The following LTBP2 variants were observed in gnomAD, a reference collection of about 807,000 sequenced individuals.
LTBP2 encodes the protein latent-transforming growth factor beta-binding protein 2.
Under a neutral mutation model 210.6 loss-of-function variants are expected in LTBP2, and 103 were observed. The observed-to-expected ratio is 0.49, with a 90% CI of 0.42 to 0.58. The LOEUF is 0.58. Ranked by LOEUF, LTBP2 falls within the 20% of genes least tolerant of loss-of-function variation. LTBP2 has a pLI of 0.00. For missense variants in LTBP2, 2,313 were observed against 2,494.5 expected (o/e 0.93, Z 1.55); for synonymous variants, 1,007 against 1,015.0 (o/e 0.99, Z 0.15).
At chr14:74,558,576 T>C (rs1268245614) in intron 3 of LTBP2, among the ~76,000 whole-genome samples, 1 of 152,068 alleles carries the variant, frequency 6.6e-6, no homozygotes, top group Non-Finnish European at 1.5e-5. Flanking sequence ...GAGTAGCTCA[T>C]GTTCTGCCCA....
chr14:74,564,285 TTATA>T (rs1392795273), intron 3 of LTBP2, among the ~76,000 whole-genome samples: 1 of 8,160 alleles, frequency 1.2e-4, no homozygotes, highest in African/African-American at 5.1e-4. Context: ...ATATATATAT[TTATA>T]TATATATTTA....
chr14:74,506,657 C>T, intron 27 of LTBP2, 41 bp downstream of exon 27: 1 of 1,609,848 alleles, frequency 6.2e-7, no homozygotes, highest in Non-Finnish European at 8.5e-7. Context: ...AGGGCCTTCC[C>T]TTCCCTGGCC....
chr14:74,591,535 T>C (rs549498564), intron 2 of LTBP2, among the ~76,000 whole-genome samples: 2 of 152,330 alleles, frequency 1.3e-5, no homozygotes, highest in South Asian at 4.1e-4. Context: ...TTTCAGGTTT[T>C]TGGAGGTTTA....
At chr14:74,526,011 C>T in intron 14 of LTBP2, 64 bp downstream of exon 14, 2 of 1,510,920 alleles carry the variant, frequency 1.3e-6, no homozygotes, top group Non-Finnish European at 1.8e-6. Flanking sequence ...TAACTCCACT[C>T]CTGATTAAGG....
intron 28 of LTBP2, among the ~76,000 whole-genome samples, chr14:74,505,387 C>T (rs965040569): frequency 3.9e-5 from 6 of 152,212 alleles, no homozygotes; most frequent in African/African-American, 7.2e-5. Context: ...CTTGGGGCCT[C>T]GCCACTGCTG....
At position 74,603,654 on chromosome 14, in the gene LTBP2, G is replaced by A; in HGVS notation, c.546C>T (p.Ser182=). ...QCCPGWTTAN[S]TNHCIKPVCE... is the part of the protein sequence containing the mutation. ...ACTCACGTTTGATACAGTGGTTGGT[G>A]CTGTTTGCTGTTGTCCATCCTGGGC... Residue 182 remains serine (S), a synonymous_variant, in exon 2 of 36, where the codon AGC becomes AGT. Coordinates refer to ENST00000261978, the MANE Select transcript of LTBP2 (RefSeq NM_000428.3). The A allele has an allele frequency of 6.2e-7, 1 of 1,614,204 alleles. No homozygotes were observed. Among genetic ancestry groups the A allele is most frequent in the Non-Finnish European group, 8.5e-7 (1 of 1,180,032 alleles).
chr14:74,510,342 G>A, intron 19 of LTBP2, 129 bp from the exon 20 acceptor site: 1 of 1,284,426 alleles, frequency 7.8e-7, no homozygotes, highest in East Asian at 2.5e-5. Flanking sequence ...GCCACCTGGG[G>A]AGGCCATGAG....
chr14:74,556,403 A>G (rs1359699618), intron 3 of LTBP2, among the ~76,000 whole-genome samples: 1 of 152,252 alleles, frequency 6.6e-6, no homozygotes, highest in African/African-American at 2.4e-5. Context: ...ACTTTACACA[A>G]TTCAATTTGT....
chr14:74,580,003 C>A (rs2088116148), intron 3 of LTBP2, among the ~76,000 whole-genome samples: 1 of 152,182 alleles, frequency 6.6e-6, no homozygotes, highest in Non-Finnish European at 1.5e-5. Context: ...GGAGAGATTT[C>A]TGCCAAGAAA....
chr14:74,549,377 G>A (rs553925063), intron 8 of LTBP2, among the ~76,000 whole-genome samples: 52 of 152,338 alleles, frequency 3.4e-4, no homozygotes, highest in African/African-American at 1.2e-3. Flanking sequence ...AAGAGGGCAA[G>A]GAACTAGGGC....
At chr14:74,509,194 AG>A (rs1172869254) in intron 22 of LTBP2, 43 bp downstream of exon 22, 2 of 1,612,874 alleles carry the variant, frequency 1.2e-6, no homozygotes, top group Non-Finnish European at 8.5e-7. Context: ...GCCCTGACAG[AG>A]GGGGCATCCC....
intron 3 of LTBP2, among the ~76,000 whole-genome samples, chr14:74,570,231 C>T (rs1042387871): frequency 1.3e-5 from 2 of 152,192 alleles, no homozygotes; most frequent in African/African-American, 4.8e-5. Flanking sequence ...ATGCTCACCT[C>T]CTGAACCCTT....
At chr14:74,585,607 G>A (rs545246552) in intron 3 of LTBP2, among the ~76,000 whole-genome samples, 4 of 152,210 alleles carry the variant, frequency 2.6e-5, no homozygotes, top group South Asian at 2.1e-4. Flanking sequence ...TCAGGCACTC[G>A]AGGGCAAAGA....
At position 74,508,833 on chromosome 14, in the gene LTBP2, C is replaced by T. The variant is rs1325456592; in HGVS notation, c.3523G>A (p.Glu1175Lys). The change falls in exon 23 of 36, where the codon GAG (glutamate) becomes AAG (lysine). Residue 1175 changes from glutamate (E) to lysine (K), a missense_variant. Glu to Lys is a moderately conservative substitution (Grantham distance 56). Coordinates refer to ENST00000261978, the MANE Select transcript of LTBP2 (RefSeq NM_000428.3). The part of the protein sequence containing the change: ...GFQLANGTVC[E>K]DVNECMGEEH... The stretch of plus-strand genomic sequence containing the variant: ...TAGGGTGACCTGGGTCACTCACCCT[C>T]ACACACGGTGCCATTGGCCAGCTGG... 2 of 1,613,758 alleles carry T rather than the reference C, an allele frequency of 1.2e-6. No homozygotes were observed. The highest frequency in any genetic ancestry group is 3.3e-5 in the Admixed American group (2 of 60,016).
intron 3 of LTBP2, among the ~76,000 whole-genome samples, chr14:74,567,381 T>C (rs1266040825): frequency 6.6e-6 from 1 of 152,124 alleles, no homozygotes; most frequent in Non-Finnish European, 1.5e-5. Context: ...TGTTCCCTCC[T>C]GGCAGGGTAA....
Position 74,504,056 on chromosome 14 carries a change from T to C in LTBP2, c.4454-2A>G. ...CGAATATCACACACTCATCCGCATC[T>C]GTGGAAGGCAGAGCTGAGGTGAGAG... On this transcript the variant is annotated splice_acceptor_variant, in intron 30 of 35. Transcript: ENST00000261978. LOFTEE classifies it high-confidence loss of function. 2 of 1,613,820 alleles carry C rather than the reference T, an allele frequency of 1.2e-6. No individual in the cohort carries two copies. Among genetic ancestry groups the C allele is most frequent in the Non-Finnish European group, 1.7e-6 (2 of 1,179,982 alleles).
At chr14:74,578,719 C>A (rs1225579964) in intron 3 of LTBP2, among the ~76,000 whole-genome samples, 1 of 152,238 alleles carries the variant, frequency 6.6e-6, no homozygotes, top group Non-Finnish European at 1.5e-5. Context: ...TGCAGGGAGC[C>A]TTGTCCTGTG....
intron 3 of LTBP2, among the ~76,000 whole-genome samples, chr14:74,562,562 A>C (rs1192629514): frequency 6.6e-6 from 1 of 152,242 alleles, no homozygotes; most frequent in African/African-American, 2.4e-5. Context: ...TCCTAGAAAC[A>C]GAAATGTCAG....
intron 2 of LTBP2, among the ~76,000 whole-genome samples, chr14:74,588,364 G>A (rs2088237222): frequency 6.6e-6 from 1 of 152,130 alleles, no homozygotes; most frequent in Non-Finnish European, 1.5e-5. Context: ...TGGGATTACA[G>A]GCGCCTGACA....
Sources: allele counts gnomAD v4.1 joint callset (sites outside exome capture counted in the v4.1 genomes callset), GRCh38; gene constraint gnomAD v4.1.1; transcripts MANE v1.5; gene names NCBI Gene and HGNC (gene_info 2026-07-23, HGNC 2026-07-21).